SYT1: variants seen among roughly 807,000 people sequenced by gnomAD.
The protein encoded by SYT1 is synaptotagmin-1.
A neutral mutation model predicts 44.8 loss-of-function variants in SYT1; 8 were observed. That is an observed-to-expected ratio of 0.18 (90% CI 0.10 to 0.32). SYT1 has a LOEUF of 0.32. Among genes scored for constraint, SYT1 ranks in the 10% least tolerant of loss-of-function variants. The pLI is 1.00. For missense variants in SYT1, 286 were observed against 509.3 expected (o/e 0.56, Z 4.22); for synonymous variants, 154 against 188.8 (o/e 0.82, Z 1.51).
At chr12:79,304,634 ATGTAAGACTGAAAGCTATGG>A (rs1880304238) in intron 8 of SYT1, among the ~76,000 whole-genome samples, 1 of 152,120 alleles carries the variant, frequency 6.6e-6, no homozygotes. Context: ...TTTTATTTAA[ATGTAAGACTGAAAGCTATGG>A]TGTAAGTCTC....
chr12:79,389,325 A>T (rs1400995026), intron 9 of SYT1, among the ~76,000 whole-genome samples: 1 of 152,224 alleles, frequency 6.6e-6, no homozygotes, highest in Non-Finnish European at 1.5e-5. Context: ...AGCTATCTAT[A>T]CGTTCCCAGC....
At chr12:79,084,006 T>G (rs1376388801) in intron 3 of SYT1, among the ~76,000 whole-genome samples, 2 of 152,280 alleles carry the variant, frequency 1.3e-5, no homozygotes, top group East Asian at 3.9e-4. Flanking sequence ...AGAGGCAGGT[T>G]GAGGGTGTCC....
At chr12:78,908,112 C>G (rs971816541) in intron 1 of SYT1, among the ~76,000 whole-genome samples, 8 of 151,952 alleles carry the variant, frequency 5.3e-5, no homozygotes, top group African/African-American at 1.9e-4. Context: ...GTGTGTTTTT[C>G]TCATCTTGCC....
chr12:79,436,155 G>A (rs1870077844), intron 9 of SYT1, among the ~76,000 whole-genome samples: 1 of 152,098 alleles, frequency 6.6e-6, no homozygotes. Flanking sequence ...TACTTTTGAA[G>A]CTTTCTATCA....
intron 3 of SYT1, among the ~76,000 whole-genome samples, chr12:79,168,747 GT>G (rs1216825781): frequency 6.6e-6 from 1 of 151,926 alleles, no homozygotes; most frequent in Admixed American, 6.6e-5. Context: ...ACCAGACATT[GT>G]TTACTGAATG....
chr12:79,387,214 G>T (rs2136084848), intron 9 of SYT1, among the ~76,000 whole-genome samples: 1 of 152,066 alleles, frequency 6.6e-6, no homozygotes, highest in Non-Finnish European at 1.5e-5. Flanking sequence ...CTTCATAAAG[G>T]GAATATTTTT....
intron 2 of SYT1, among the ~76,000 whole-genome samples, chr12:78,981,952 A>T (rs924199812): frequency 6.6e-6 from 1 of 152,112 alleles, no homozygotes; most frequent in Non-Finnish European, 1.5e-5. Context: ...GAGGGCTAGG[A>T]GTGTGGATAA....
intron 3 of SYT1, among the ~76,000 whole-genome samples, chr12:79,175,496 G>A (rs1735087603): frequency 6.6e-6 from 1 of 152,014 alleles, no homozygotes; most frequent in Non-Finnish European, 1.5e-5. Context: ...TTTTATAAAA[G>A]CACAGCTTTC....
intron 2 of SYT1, among the ~76,000 whole-genome samples, chr12:78,988,619 A>G (rs756353108): frequency 6.6e-6 from 1 of 152,004 alleles, no homozygotes. Context: ...GCAGACATAA[A>G]GAACAAGACA....
At chr12:79,301,623 C>G (rs1880156228) in intron 8 of SYT1, among the ~76,000 whole-genome samples, 1 of 152,078 alleles carries the variant, frequency 6.6e-6, no homozygotes. Flanking sequence ...ATACCTTTTT[C>G]TTGGTTAATT....
intron 1 of SYT1, among the ~76,000 whole-genome samples, chr12:78,943,151 G>A (rs980274122): frequency 1.9e-4 from 29 of 152,138 alleles, no homozygotes; most frequent in African/African-American, 6.8e-4. Flanking sequence ...TAGTTCTTCG[G>A]TCATCTATTA....
At position 79,013,312 on chromosome 12, in the gene SYT1, G is replaced by T. The variant is rs554305051; in HGVS notation, c.-83-33985G>T. 5.4e-4 allele frequency among the ~76,000 whole-genome samples: 82 copies of T among 152,136 alleles called. 1 individual carries two copies. In the South Asian group the frequency reaches 0.016, roughly 30 times the overall value. On this transcript the variant is annotated intron_variant, in intron 2 of 10. Transcript: ENST00000261205. ...GTATTTGTTGAAGAAGTGAATGAGG[G>T]TTTAAAACACTTTGAGAGCATCAGG...
At chr12:79,304,771 G>A (rs970692128) in intron 8 of SYT1, among the ~76,000 whole-genome samples, 2 of 152,004 alleles carry the variant, frequency 1.3e-5, no homozygotes, top group South Asian at 4.2e-4. Context: ...TAGAATATTT[G>A]TTGTTAATCA....
chr12:78,990,857 G>A (rs984263711), intron 2 of SYT1, among the ~76,000 whole-genome samples: 12 of 152,108 alleles, frequency 7.9e-5, no homozygotes, highest in African/African-American at 1.2e-4. Context: ...TGGTATGCAC[G>A]CTGCAGCTCA....
intron 4 of SYT1, among the ~76,000 whole-genome samples, chr12:79,244,097 A>C (rs989923000): frequency 6.6e-6 from 1 of 152,192 alleles, no homozygotes; most frequent in Non-Finnish European, 1.5e-5. Flanking sequence ...ACAATTGATC[A>C]ATTCACCTTG....
chr12:79,131,538 A>T (rs1281894182), intron 3 of SYT1, among the ~76,000 whole-genome samples: 1 of 152,140 alleles, frequency 6.6e-6, no homozygotes, highest in African/African-American at 2.4e-5. Context: ...CTTCAGAGAA[A>T]ATTTTGGGTC....
intron 3 of SYT1, among the ~76,000 whole-genome samples, chr12:79,126,168 T>G (rs761046217): frequency 6.6e-6 from 1 of 152,266 alleles, no homozygotes; most frequent in Non-Finnish European, 1.5e-5. Flanking sequence ...AAAATTAATA[T>G]CAGCACATTT....
At chr12:79,299,766 G>A (rs1281520687) in intron 8 of SYT1, among the ~76,000 whole-genome samples, 3 of 151,982 alleles carry the variant, frequency 2.0e-5, no homozygotes, top group Non-Finnish European at 2.9e-5. Context: ...TTGTGTACTG[G>A]ATCTAGAAAC....
At position 79,451,664 on chromosome 12, in the gene SYT1, T is replaced by C. The variant is rs541545348; in HGVS notation, c.*2540T>C. On this transcript the variant is annotated 3_prime_UTR_variant, in exon 11 of 11. Coordinates refer to ENST00000261205, the MANE Select transcript of SYT1 (RefSeq NM_005639.3). ...CCTGCTTTATGACCAAGATTCATCC[T>C]CAAATAAGCCACATGTACCCTTCTG... 1 of 152,320 alleles carries C rather than the reference T, an allele frequency of 6.6e-6. No individual in the cohort carries two copies. The highest frequency in any genetic ancestry group is 2.1e-4 in the South Asian group (1 of 4,832). The allele number at this position is 152,320 out of a possible 1,614,324, so 9.4% of individuals were successfully genotyped here.
Sources: allele counts gnomAD v4.1 joint callset (sites outside exome capture counted in the v4.1 genomes callset), GRCh38; gene constraint gnomAD v4.1.1; transcripts MANE v1.5; gene names NCBI Gene and HGNC (gene_info 2026-07-23, HGNC 2026-07-21).